Variants in HYCC1 observed in about 807,000 individuals in gnomAD.
The protein encoded by HYCC1 is hyccin PI4KA lipid kinase complex subunit 1.
chr7:22,921,132 T>C, the HYCC1 span, among the ~76,000 whole-genome samples: 2 of 152,226 alleles, frequency 1.3e-5, no homozygotes, highest in East Asian at 3.8e-4. Flanking sequence ...GGTATTTCTT[T>C]ATAGCAATGC....
chr7:23,003,731 T>G, the HYCC1 span, among the ~76,000 whole-genome samples: 1 of 152,180 alleles, frequency 6.6e-6, no homozygotes, highest in Admixed American at 6.5e-5. Flanking sequence ...CTTTAATATG[T>G]TGGAATGAGA....
At chr7:23,001,784 A>G in the HYCC1 span, among the ~76,000 whole-genome samples, 1 of 152,164 alleles carries the variant, frequency 6.6e-6, no homozygotes, top group South Asian at 2.1e-4. Context: ...GAGTGATCCA[A>G]AAACATGGGT....
chr7:22,979,095 G>C, the HYCC1 span, among the ~76,000 whole-genome samples: 80 of 152,196 alleles, frequency 5.3e-4, no homozygotes, highest in Non-Finnish European at 1.0e-3. Flanking sequence ...AAATTATCAG[G>C]CTATTTATTA....
chr7:22,978,345 T>C, the HYCC1 span: 25 of 1,613,952 alleles, frequency 1.5e-5, no homozygotes, highest in Non-Finnish European at 2.0e-5. Context: ...GACTGCAAGG[T>C]AGCACCAAAT....
At chr7:23,002,156 A>T in the HYCC1 span, among the ~76,000 whole-genome samples, 18 of 24,418 alleles carry the variant, frequency 7.4e-4, 2 homozygotes, top group South Asian at 6.3e-3. Flanking sequence ...ATATATATAT[A>T]TATATATATA....
At chr7:22,968,030 G>C in the HYCC1 span, among the ~76,000 whole-genome samples, 1 of 152,220 alleles carries the variant, frequency 6.6e-6, no homozygotes, top group South Asian at 2.1e-4. Context: ...TGGTGAGTCT[G>C]CTAATAAAAC....
At chr7:22,907,809 G>A in the HYCC1 span, among the ~76,000 whole-genome samples, 2 of 152,206 alleles carry the variant, frequency 1.3e-5, no homozygotes, top group African/African-American at 4.8e-5. Flanking sequence ...CTGCCCAGGA[G>A]GCTGAGGCAG....
At chr7:22,955,442 G>A in the HYCC1 span, among the ~76,000 whole-genome samples, 22 of 151,728 alleles carry the variant, frequency 1.4e-4, no homozygotes, top group Middle Eastern at 6.8e-3. Flanking sequence ...ATGATGGGCA[G>A]CAATAAAAAA....
chr7:22,938,974 G>A, the HYCC1 span: 1 of 152,136 alleles, frequency 6.6e-6, no homozygotes, highest in African/African-American at 2.4e-5. Context: ...AAACGTAAGT[G>A]TGTATTATAC....
At chr7:22,993,180 T>A in the HYCC1 span, among the ~76,000 whole-genome samples, 1 of 152,104 alleles carries the variant, frequency 6.6e-6, no homozygotes, top group Non-Finnish European at 1.5e-5. Context: ...TTTGGATAGC[T>A]ACATGGGGAG....
At chr7:23,008,952 TC>T in the HYCC1 span, among the ~76,000 whole-genome samples, 1 of 152,178 alleles carries the variant, frequency 6.6e-6, no homozygotes, top group East Asian at 1.9e-4. Context: ...TAGTGAGGTA[TC>T]ATAAAAGAAA....
the HYCC1 span, among the ~76,000 whole-genome samples, chr7:22,901,866 T>C: frequency 1.3e-5 from 2 of 152,122 alleles, no homozygotes; most frequent in Non-Finnish European, 2.9e-5. Context: ...TATCAATTGA[T>C]AGAACAACTA....
chr7:22,977,066 GC>G, the HYCC1 span, among the ~76,000 whole-genome samples: 1 of 17,942 alleles, frequency 5.6e-5, no homozygotes, highest in Non-Finnish European at 1.1e-4. Context: ...CCCCCTGCCC[GC>G]CGGCCAACAC....
the HYCC1 span, among the ~76,000 whole-genome samples, chr7:22,972,677 G>A: frequency 4.6e-5 from 7 of 152,142 alleles, no homozygotes; most frequent in African/African-American, 9.7e-5. Context: ...TTTAGTACTA[G>A]CAGAGAACAA....
the HYCC1 span, chr7:22,938,027 A>G: frequency 6.6e-6 from 1 of 152,220 alleles, no homozygotes; most frequent in East Asian, 1.9e-4. Context: ...AAACAAACTG[A>G]ATCCATCAGT....
At chr7:23,011,090 T>A in the HYCC1 span, among the ~76,000 whole-genome samples, 1 of 152,186 alleles carries the variant, frequency 6.6e-6, no homozygotes, top group Non-Finnish European at 1.5e-5. Flanking sequence ...CCTCCTCCAC[T>A]GGAAAATCTC....
At chr7:22,923,250 G>A in the HYCC1 span, among the ~76,000 whole-genome samples, 1 of 152,112 alleles carries the variant, frequency 6.6e-6, no homozygotes, top group Non-Finnish European at 1.5e-5. Flanking sequence ...ATTATTAACA[G>A]AAAGGAATGT....
chr7:23,013,481 G>A, the HYCC1 span, among the ~76,000 whole-genome samples: 1 of 152,220 alleles, frequency 6.6e-6, no homozygotes, highest in African/African-American at 2.4e-5. Flanking sequence ...AGGAGGCAGA[G>A]GCCAGAGCAT....
At chr7:22,963,386 G>C in the HYCC1 span, among the ~76,000 whole-genome samples, 1 of 152,194 alleles carries the variant, frequency 6.6e-6, no homozygotes, top group Non-Finnish European at 1.5e-5. Flanking sequence ...TAATGAAATG[G>C]TTAGAAATAA....
Sources: gnomAD v4.1 joint callset for allele counts (sites outside exome capture counted in the v4.1 genomes callset) on GRCh38, gnomAD v4.1.1 for gene constraint, MANE v1.5 for transcripts, NCBI Gene and HGNC (gene_info 2026-07-23, HGNC 2026-07-21) for gene names.